KIRREL3: variants seen among roughly 807,000 people sequenced by gnomAD.
The protein encoded by KIRREL3 is kirre like nephrin family adhesion molecule 3.
Under a neutral mutation model 89.7 loss-of-function variants are expected in KIRREL3, and 36 were observed. The observed-to-expected ratio is 0.40, with a 90% CI of 0.31 to 0.53. The LOEUF (loss-of-function observed/expected upper bound fraction) is 0.53, where lower values mean the gene tolerates loss of function less well. KIRREL3 is among the 20% of genes least tolerant of loss of function. KIRREL3 has a pLI of 0.49. For missense variants in KIRREL3, 864 were observed against 1,056.6 expected (o/e 0.82, Z 2.53); for synonymous variants, 445 against 441.4 (o/e 1.01, Z -0.10).
At chr11:126,927,681 C>T (rs1458276018) in intron 1 of KIRREL3, among the ~76,000 whole-genome samples, 1 of 152,230 alleles carries the variant, frequency 6.6e-6, no homozygotes, top group Non-Finnish European at 1.5e-5. Flanking sequence ...TCCCTCCTCC[C>T]TCTGTCTTCC....
intron 1 of KIRREL3, among the ~76,000 whole-genome samples, chr11:126,573,316 C>T (rs1941071255): frequency 6.6e-6 from 1 of 152,216 alleles, no homozygotes; most frequent in African/African-American, 2.4e-5. Context: ...GTCTCTCCTC[C>T]CTCACACGTT....
chr11:126,451,866 G>A (rs1172961504), intron 7 of KIRREL3, among the ~76,000 whole-genome samples: 1 of 152,160 alleles, frequency 6.6e-6, no homozygotes, highest in Non-Finnish European at 1.5e-5. Context: ...CAGTTGAAGT[G>A]TCTATGGGGA....
At position 126,553,087 on chromosome 11, in the gene KIRREL3, G is replaced by A. The variant is rs1274992194; in HGVS notation, c.133+9748C>T. On this transcript the variant is annotated intron_variant, in intron 2 of 16. Transcript: ENST00000525144. This position sits in a 1 kb window ranked among gnomAD's most constrained non-coding sequence, Gnocchi z 4.7. ...GAAGGCGTGCAAGCCAGCCCTTCATGCTTTTATGTCCCCATTTTAGACAAC... is the reference window on the plus strand; with the variant it reads ...GAAGGCGTGCAAGCCAGCCCTTCATACTTTTATGTCCCCATTTTAGACAAC... 6.6e-6 allele frequency among the ~76,000 whole-genome samples: 1 copy of A among 152,140 alleles called. No homozygotes were observed. The highest frequency in any genetic ancestry group is 2.4e-5 in the African/African-American group (1 of 41,428).
rs910248594 is a variant in KIRREL3, at chr11:126,645,813, C to A, written c.56-82901G>T. On this transcript the variant is annotated intron_variant, in intron 1 of 16. Transcript: ENST00000525144. The surrounding 1 kb of genome is among the most constrained non-coding windows in gnomAD (Gnocchi z 4.9). ...ATGCCTACATTACTGCTTCCTCACA[C>A]ACCTTATTTTATTTCCTTTCCTTCC... 2.0e-5 allele frequency among the ~76,000 whole-genome samples: 3 copies of A among 152,204 alleles called. No individual in the cohort carries two copies. Among genetic ancestry groups the A allele is most frequent in the Non-Finnish European group, 4.4e-5 (3 of 68,038 alleles).
intron 2 of KIRREL3, among the ~76,000 whole-genome samples, chr11:126,560,045 TA>T (rs1267791214): frequency 6.6e-6 from 1 of 152,172 alleles, no homozygotes; most frequent in African/African-American, 2.4e-5. Context: ...AAATTGGTAT[TA>T]TTTTTATGGT....
intron 1 of KIRREL3, among the ~76,000 whole-genome samples, chr11:126,713,877 A>G (rs1947854991): frequency 6.6e-6 from 1 of 152,086 alleles, no homozygotes; most frequent in African/African-American, 2.4e-5. Flanking sequence ...AATGGGTTGC[A>G]GGGGGAGCAC....
Position 126,478,602 on chromosome 11 carries a change from TATGC to T in KIRREL3, c.434-5140_434-5137del, listed in dbSNP as rs550539658. On this transcript the variant is annotated intron_variant, in intron 4 of 16. Coordinates refer to ENST00000525144, the MANE Select transcript of KIRREL3 (RefSeq NM_032531.4). ...GTACACGTGTGTATGTGTATATGTATATGCATGTATATGTGTGTATGTGTGTATG... is the reference window on the plus strand; with the variant it reads ...GTACACGTGTGTATGTGTATATGTATATGTATATGTGTGTATGTGTGTATG... Among the ~76,000 whole-genome samples the T allele has an allele frequency of 5.5e-5, 8 of 144,880 alleles. No individual in the cohort carries two copies. The South Asian group carries it at 1.1e-3, about 19-fold the overall frequency.
In KIRREL3 at chr11:126,771,107, G is replaced by T. The variant is rs1453909537; in HGVS notation, c.56-208195C>A. The stretch of plus-strand genomic sequence containing the variant: ...TTGCCTTGGCATCCCAAAGTCCTGG[G>T]ATTACAGGCATGAGCCACTTCCTCT... On this transcript the variant is annotated intron_variant, in intron 1 of 16. Coordinates refer to ENST00000525144, the MANE Select transcript of KIRREL3 (RefSeq NM_032531.4). The surrounding 1 kb of genome is among the most constrained non-coding windows in gnomAD (Gnocchi z 4.4). Among the ~76,000 whole-genome samples the T allele has an allele frequency of 2.6e-5, 4 of 152,158 alleles. No homozygotes were observed. The highest frequency in any genetic ancestry group is 3.9e-4 in the East Asian group (2 of 5,192).
chr11:126,430,048 C>T lies in KIRREL3; in HGVS notation c.1697-760G>A, dbSNP rs538579058. On this transcript the variant is annotated intron_variant, in intron 14 of 16. Transcript: ENST00000525144. The surrounding 1 kb of genome is among the most constrained non-coding windows in gnomAD (Gnocchi z 6.6). ...TACTCGGGAGGCTGAGCATGAGACTCGCTTGAATGAACCCGGGAGGCAGCG... is the reference window on the plus strand; with the variant it reads ...TACTCGGGAGGCTGAGCATGAGACTTGCTTGAATGAACCCGGGAGGCAGCG... Among the ~76,000 whole-genome samples, 43 of 151,710 alleles carry T rather than the reference C, an allele frequency of 2.8e-4. No homozygotes were observed. Among genetic ancestry groups the T allele is most frequent in the Non-Finnish European group, 5.4e-4 (37 of 67,998 alleles).
intron 1 of KIRREL3, among the ~76,000 whole-genome samples, chr11:126,786,591 A>C (rs963967282): frequency 1.3e-5 from 2 of 152,228 alleles, no homozygotes; most frequent in African/African-American, 2.4e-5. Context: ...TAACAGAGAC[A>C]CACTGACTTC....
chr11:126,998,121 G>T (rs1950225541), intron 1 of KIRREL3, among the ~76,000 whole-genome samples: 1 of 152,220 alleles, frequency 6.6e-6, no homozygotes, highest in African/African-American at 2.4e-5. Flanking sequence ...GTTGATGAAT[G>T]CATGACACTG....
rs778521580 is a variant in KIRREL3, at chr11:126,769,261, C to T, written c.56-206349G>A. 5.9e-5 allele frequency among the ~76,000 whole-genome samples: 9 copies of T among 152,234 alleles called. No homozygotes were observed. Among genetic ancestry groups the T allele is most frequent in the South Asian group, 4.2e-4 (2 of 4,818 alleles). ...TTACCTGCTTATGTGTCCTCCCTAGCGAGTAGCCTGCAACATGGTAGGGGC... is the reference window on the plus strand; with the variant it reads ...TTACCTGCTTATGTGTCCTCCCTAGTGAGTAGCCTGCAACATGGTAGGGGC... On this transcript the variant is annotated intron_variant, in intron 1 of 16. Transcript: ENST00000525144. This position sits in a 1 kb window ranked among gnomAD's most constrained non-coding sequence, Gnocchi z 4.3.
chr11:126,448,306 TAAAA>T (rs1296871013), intron 8 of KIRREL3, among the ~76,000 whole-genome samples: 5 of 123,680 alleles, frequency 4.0e-5, no homozygotes, highest in African/African-American at 6.1e-5. Flanking sequence ...AAAAAAGAAA[TAAAA>T]AGAAAAAGAA....
In KIRREL3 at chr11:126,802,459, G is replaced by C. The variant is rs10893570; in HGVS notation, c.55+197996C>G. ...CACTTTCCAGCTGGGTCCATAGTCT[G>C]TGTGGCGTCGTTCTTCTCATGTCTG... On this transcript the variant is annotated intron_variant, in intron 1 of 16. Transcript: ENST00000525144. The surrounding 1 kb of genome is among the most constrained non-coding windows in gnomAD (Gnocchi z 5.2). Among the ~76,000 whole-genome samples the C allele has an allele frequency of 0.23, 34,242 of 152,064 alleles. 4,457 individuals carry two copies. Among genetic ancestry groups the C allele is most frequent in the East Asian group, 0.46 (2,380 of 5,154 alleles).
rs562088218 is a variant in KIRREL3, at chr11:126,894,530, G to A, written c.55+105925C>T. 3.8e-4 allele frequency among the ~76,000 whole-genome samples: 21 copies of A among 54,688 alleles called. No homozygotes were observed. The Admixed American group carries it at 6.0e-3, about 16-fold the overall frequency. 35.9% of individuals were successfully genotyped at this position (54,688 alleles called of 152,430 possible). ...TCGAGACCAGCCTGGGCAACATAAT[G>A]AGACCTCATCTCAAAAAAAAAAAAA... On this transcript the variant is annotated intron_variant, in intron 1 of 16. Transcript: ENST00000525144.
At chr11:126,834,021 C>T (rs1226494696) in intron 1 of KIRREL3, among the ~76,000 whole-genome samples, 2 of 152,184 alleles carry the variant, frequency 1.3e-5, no homozygotes, top group African/African-American at 2.4e-5. Flanking sequence ...CCCAAATGTA[C>T]CAGTGCTTGG....
chr11:126,725,370 C>T (rs1039429030), intron 1 of KIRREL3, among the ~76,000 whole-genome samples: 1 of 152,204 alleles, frequency 6.6e-6, no homozygotes, highest in African/African-American at 2.4e-5. Context: ...TTTCAGTGCC[C>T]TGTGCATTAG....
In KIRREL3 at chr11:126,790,293, T is replaced by A. The variant is rs559351757; in HGVS notation, c.55+210162A>T. 7.9e-5 allele frequency among the ~76,000 whole-genome samples: 12 copies of A among 152,308 alleles called. No homozygotes were observed. The South Asian group carries it at 2.5e-3, about 32-fold the overall frequency. ...CGGTCCACATGCTCTGTTGGATGAA[T>A]GGATGGATAAAGACTGGTTGAAGAA... On this transcript the variant is annotated intron_variant, in intron 1 of 16. Transcript: ENST00000525144.
rs916149203 is a variant in KIRREL3 at position 126,523,353 on chromosome 11, G to T, written c.284-1889C>A. 6.6e-6 allele frequency among the ~76,000 whole-genome samples: 1 copy of T among 152,134 alleles called. No individual in the cohort carries two copies. The highest frequency in any genetic ancestry group is 2.1e-4 in the South Asian group (1 of 4,822). On this transcript the variant is annotated intron_variant, in intron 3 of 16. Transcript: ENST00000525144. This position sits in a 1 kb window ranked among gnomAD's most constrained non-coding sequence, Gnocchi z 4.9. ...TGGAGGTGGGGCAGGCCTCCCTGGG[G>T]GTGGGCTGTACAACGGGCCACCAGC...
Sources: allele counts gnomAD v4.1 joint callset (sites outside exome capture counted in the v4.1 genomes callset), GRCh38; gene constraint gnomAD v4.1.1; non-coding constraint Gnocchi (gnomAD v3.1); transcripts MANE v1.5; gene names NCBI Gene and HGNC (gene_info 2026-07-23, HGNC 2026-07-21).